JAK1: variants seen among roughly 807,000 people sequenced by gnomAD.
The protein encoded by JAK1 is tyrosine-protein kinase JAK1.
JAK1 carries 16 observed loss-of-function variants against 136.6 expected under a neutral mutation model. The ratio of observed to expected loss-of-function variants is 0.12; its 90% CI spans 0.08 to 0.18. JAK1 has a LOEUF of 0.18. Ranked by LOEUF, JAK1 falls within the 10% of genes least tolerant of loss-of-function variation. The probability of loss-of-function intolerance (pLI) is 1.00; values close to 1 mark genes in which losing one functional copy is unlikely to be tolerated. For synonymous variants in JAK1, 492 were observed against 519.5 expected, an observed-to-expected ratio of 0.95 and a Z score of 0.72; for missense variants, 859 against 1,450.1, an observed-to-expected ratio of 0.59 and a Z score of 6.62.
intron 2 of JAK1, chr1:64,986,224 G>A: frequency 2.8e-6 from 1 of 360,942 alleles, no homozygotes; most frequent in South Asian, 2.4e-5. Flanking sequence ...TCCTGCCTCA[G>A]CCTCCCAAAT....
intron 1 of JAK1, among the ~76,000 whole-genome samples, chr1:65,048,368 C>T (rs1647208689): frequency 6.6e-6 from 1 of 152,136 alleles, no homozygotes; most frequent in East Asian, 1.9e-4. Context: ...TACCATTGTC[C>T]AAACAAGCTC....
chr1:65,016,920 A>C (rs1289935339), intron 2 of JAK1, among the ~76,000 whole-genome samples: 1 of 152,124 alleles, frequency 6.6e-6, no homozygotes, highest in Non-Finnish European at 1.5e-5. Flanking sequence ...AAATAAATAA[A>C]AACTTAAAAT....
At chr1:64,947,203 T>G (rs2100555406) in intron 1 of JAK1, among the ~76,000 whole-genome samples, 1 of 152,004 alleles carries the variant, frequency 6.6e-6, no homozygotes, top group East Asian at 1.9e-4. Context: ...CATGGTAAAT[T>G]TTATGTTGTT....
intron 1 of JAK1, among the ~76,000 whole-genome samples, chr1:64,902,399 T>C (rs1186738139): frequency 6.6e-6 from 1 of 152,024 alleles, no homozygotes; most frequent in African/African-American, 2.4e-5. Context: ...AATCCGAGGA[T>C]AAAGGATAGA....
intron 1 of JAK1, among the ~76,000 whole-genome samples, chr1:65,048,317 A>C (rs2100852131): frequency 6.6e-6 from 1 of 152,308 alleles, no homozygotes; most frequent in Admixed American, 6.5e-5. Flanking sequence ...AACATGTAAA[A>C]TACCAGACAC....
intron 1 of JAK1, among the ~76,000 whole-genome samples, chr1:64,935,030 C>T (rs1038337556): frequency 1.3e-5 from 2 of 152,132 alleles, no homozygotes. Flanking sequence ...GGGATATGCA[C>T]CACTACTCTC....
chr1:64,850,663 T>C, intron 12 of JAK1, 141 bp downstream of exon 12: 1 of 650,260 alleles, frequency 1.5e-6, no homozygotes, highest in Non-Finnish European at 2.8e-6. Flanking sequence ...TTGTACGGCT[T>C]TTGCCATCAA....
chr1:64,970,406 AC>A, upstream of JAK1, among the ~76,000 whole-genome samples: 1 of 152,002 alleles, frequency 6.6e-6, no homozygotes, highest in Non-Finnish European at 1.5e-5. Flanking sequence ...GCACCACTGC[AC>A]TCCAGCCTGG....
intron 1 of JAK1, among the ~76,000 whole-genome samples, chr1:64,953,361 G>GC (rs1224311293): frequency 5.9e-5 from 9 of 152,082 alleles, no homozygotes. Flanking sequence ...TCAATTATGA[G>GC]CCCAAAGTCA....
chr1:64,849,557 T>C (rs1655455664), intron 12 of JAK1, among the ~76,000 whole-genome samples: 1 of 152,218 alleles, frequency 6.6e-6, no homozygotes, highest in Non-Finnish European at 1.5e-5. Flanking sequence ...CTCCGTCCTC[T>C]CAAGATTAGG....
At chr1:64,973,458 A>G (rs1328655097) in intron 2 of JAK1, among the ~76,000 whole-genome samples, 2 of 151,984 alleles carry the variant, frequency 1.3e-5, no homozygotes, top group African/African-American at 4.8e-5. Flanking sequence ...TATTTTATAC[A>G]GCTAAATATT....
intron 1 of JAK1, among the ~76,000 whole-genome samples, chr1:65,061,569 T>C (rs905151078): frequency 6.6e-6 from 1 of 152,198 alleles, no homozygotes; most frequent in African/African-American, 2.4e-5. Flanking sequence ...TTTTAAACTA[T>C]AGTTTAGTGT....
intron 2 of JAK1, among the ~76,000 whole-genome samples, chr1:65,005,933 C>T (rs1646800381): frequency 6.6e-6 from 1 of 151,272 alleles, no homozygotes; most frequent in African/African-American, 2.4e-5. Flanking sequence ...TTTTAAAAGT[C>T]ATAATAATTA....
chr1:65,045,382 G>A (rs1647175219), intron 1 of JAK1, among the ~76,000 whole-genome samples: 1 of 152,186 alleles, frequency 6.6e-6, no homozygotes, highest in Non-Finnish European at 1.5e-5. Context: ...TGACAGACAG[G>A]AGAAGAGAGA....
At chr1:64,904,286 A>G (rs1325633250) in intron 1 of JAK1, among the ~76,000 whole-genome samples, 2 of 152,222 alleles carry the variant, frequency 1.3e-5, no homozygotes, top group African/African-American at 2.4e-5. Context: ...ATCGCATTCA[A>G]TTTGAAGGTA....
intron 17 of JAK1, among the ~76,000 whole-genome samples, chr1:64,843,529 C>T (rs555656225): frequency 6.6e-6 from 1 of 152,238 alleles, no homozygotes; most frequent in African/African-American, 2.4e-5. Flanking sequence ...CACCATCCTA[C>T]CTAATTTGCA....
intron 7 of JAK1, among the ~76,000 whole-genome samples, chr1:64,865,752 C>T (rs1479500831): frequency 6.6e-6 from 1 of 152,086 alleles, no homozygotes; most frequent in Non-Finnish European, 1.5e-5. Flanking sequence ...AAATGAGTCT[C>T]ATATTTTATT....
Position 64,951,453 on chromosome 1 carries a change from C to T in JAK1, c.-78+14880G>A, listed in dbSNP as rs116894830. Among the ~76,000 whole-genome samples the T allele has an allele frequency of 8.6e-3, 1,314 of 152,194 alleles. 38 individuals are homozygous for T. Among genetic ancestry groups the T allele is most frequent in the East Asian group, 0.051 (266 of 5,178 alleles). On this transcript the variant is annotated intron_variant, in intron 1 of 24. Coordinates refer to ENST00000342505, the MANE Select transcript of JAK1 (RefSeq NM_002227.4). ...AAGTCTCTTCACAGGGTTCCTACTA[C>T]GTGCCAAACACAATGGCAGTGGTTC...
intron 8 of JAK1, among the ~76,000 whole-genome samples, chr1:64,861,638 G>A (rs375311598): frequency 5.9e-5 from 9 of 152,184 alleles, no homozygotes; most frequent in African/African-American, 1.2e-4. Context: ...AGGAGAGGCA[G>A]GTGGCAGAAA....
Sources: gnomAD v4.1 joint callset for allele counts (sites outside exome capture counted in the v4.1 genomes callset) on GRCh38, gnomAD v4.1.1 for gene constraint, MANE v1.5 for transcripts, NCBI Gene and HGNC (gene_info 2026-07-23, HGNC 2026-07-21) for gene names.